TMEM144: variants seen among roughly 807,000 people sequenced by gnomAD.
TMEM144 encodes transmembrane protein 144.
In TMEM144, 39 loss-of-function variants were observed where a neutral mutation model predicts 43.6. The ratio of observed to expected loss-of-function variants is 0.90; its 90% CI spans 0.69 to 1.17. The LOEUF (loss-of-function observed/expected upper bound fraction) is 1.17, where lower values mean the gene tolerates loss of function less well. TMEM144 is among the 50% of genes most tolerant of loss of function. TMEM144 has a pLI of 0.00. For missense variants in TMEM144, 417 were observed against 411.9 expected, an observed-to-expected ratio of 1.01 and a Z score of -0.11; for synonymous variants, 154 against 133.6, an observed-to-expected ratio of 1.15 and a Z score of -1.06.
intron 6 of TMEM144, among the ~76,000 whole-genome samples, chr4:158,224,872 G>A (rs914680218): frequency 6.6e-6 from 1 of 152,110 alleles, no homozygotes; most frequent in Non-Finnish European, 1.5e-5. Context: ...ATGTTTAAGG[G>A]TGGTCTCAGA....
At chr4:158,231,610 C>A (rs568136838) in intron 6 of TMEM144, among the ~76,000 whole-genome samples, 45 of 152,124 alleles carry the variant, frequency 3.0e-4, no homozygotes, top group African/African-American at 1.1e-3. Context: ...TTTTAAACCA[C>A]ATTCAACACT....
chr4:158,242,954 A>G (rs567712988), intron 11 of TMEM144, among the ~76,000 whole-genome samples: 2 of 152,312 alleles, frequency 1.3e-5, no homozygotes, highest in South Asian at 2.1e-4. Flanking sequence ...TGCTTGCATT[A>G]CTTTTACCAA....
chr4:158,227,158 A>C (rs989000638), intron 6 of TMEM144, among the ~76,000 whole-genome samples: 1 of 150,418 alleles, frequency 6.6e-6, no homozygotes, highest in East Asian at 1.9e-4. Context: ...GAATAGCCTC[A>C]TACCTTAATA....
At chr4:158,241,425 A>C (rs1267618594) in intron 10 of TMEM144, 84 bp from the exon 11 acceptor site, 24 of 990,412 alleles carry the variant, frequency 2.4e-5, no homozygotes, top group Non-Finnish European at 1.6e-6. Flanking sequence ...TTATATGTGC[A>C]CTTTGATATT....
intron 5 of TMEM144, 50 bp downstream of exon 5, chr4:158,217,470 A>G (rs374162834): frequency 1.5e-6 from 2 of 1,305,200 alleles, no homozygotes; most frequent in Non-Finnish European, 2.2e-6. Flanking sequence ...TCCATATTCT[A>G]TGTAAAGCAA....
intron 3 of TMEM144, chr4:158,213,000 C>T (rs2111097672): frequency 1.7e-6 from 1 of 574,998 alleles, no homozygotes; most frequent in Admixed American, 3.1e-5. Context: ...AGGGTACAGT[C>T]AGGAAATCTC....
intron 4 of TMEM144, among the ~76,000 whole-genome samples, chr4:158,216,431 AAAG>A: frequency 6.6e-6 from 1 of 152,220 alleles, no homozygotes. Context: ...AACATGTTTG[AAAG>A]AGAAAATGAT....
At chr4:158,218,105 A>G (rs1006068332) in intron 5 of TMEM144, among the ~76,000 whole-genome samples, 2 of 152,152 alleles carry the variant, frequency 1.3e-5, no homozygotes, top group East Asian at 1.9e-4. Context: ...GTGTTGTCCA[A>G]TAGTGTAGCC....
At chr4:158,227,180 G>C (rs1734817217) in intron 6 of TMEM144, among the ~76,000 whole-genome samples, 1 of 149,466 alleles carries the variant, frequency 6.7e-6, no homozygotes, top group South Asian at 2.1e-4. Flanking sequence ...TTTTGAGTTA[G>C]TAAGCTGCTT....
intron 10 of TMEM144, 113 bp downstream of exon 10, chr4:158,240,531 G>A: frequency 8.3e-7 from 1 of 1,201,118 alleles, no homozygotes; most frequent in South Asian, 1.5e-5. Context: ...TATATGTGGT[G>A]TGTGTGTGTT....
chr4:158,252,807 C>CAA (rs57460951), intron 12 of TMEM144, among the ~76,000 whole-genome samples: 12,282 of 67,088 alleles, frequency 0.18, 711 homozygotes, highest in Admixed American at 0.22. Flanking sequence ...GACTCCGTCT[C>CAA]AAAAAAAAAA....
At chr4:158,230,861 C>G (rs1237737426) in intron 6 of TMEM144, among the ~76,000 whole-genome samples, 1 of 152,026 alleles carries the variant, frequency 6.6e-6, no homozygotes, top group East Asian at 1.9e-4. Flanking sequence ...AAGACAAAAA[C>G]ATAACAAATT....
At chr4:158,251,738 T>C (rs965717049) in intron 12 of TMEM144, among the ~76,000 whole-genome samples, 6 of 151,376 alleles carry the variant, frequency 4.0e-5, no homozygotes, top group Non-Finnish European at 7.4e-5. Context: ...TTCTGAGAAA[T>C]TGTTACCTTT....
rs753317634 is a variant in TMEM144 at position 158,241,608 on chromosome 4, T to TA, written c.900+4dup. On this transcript the variant is annotated splice_region_variant and intron_variant, in intron 11 of 12. Coordinates refer to ENST00000296529, the MANE Select transcript of TMEM144 (RefSeq NM_018342.5). ...GTCAGTTTTCCAATAATCACTGCTG[T>TA]AAGTAGCTGAACTGGTTTTCCTAAT... The TA allele has an allele frequency of 1.2e-6, 2 of 1,612,766 alleles. No individual in the cohort carries two copies. Among genetic ancestry groups the TA allele is most frequent in the Non-Finnish European group, 1.7e-6 (2 of 1,178,888 alleles).
chr4:158,239,315 A>T (rs778342953), intron 9 of TMEM144, among the ~76,000 whole-genome samples: 1 of 152,232 alleles, frequency 6.6e-6, no homozygotes, highest in East Asian at 1.9e-4. Flanking sequence ...AGGGGACAGA[A>T]ACATTAAATC....
rs1736361390 is a variant in TMEM144 at position 158,254,250 on chromosome 4, A to G, written c.*723A>G. ...TATTCACGTACATAAATACACACAG[A>G]TATGTTGCTAAAGTGAGATTGTAGG... On this transcript the variant is annotated 3_prime_UTR_variant, in exon 13 of 13. Coordinates refer to ENST00000296529, the MANE Select transcript of TMEM144 (RefSeq NM_018342.5). 2.0e-5 allele frequency: 3 copies of G among 152,184 alleles called. No individual in the cohort carries two copies. Among genetic ancestry groups the G allele is most frequent in the South Asian group, 4.1e-4 (2 of 4,834 alleles). 9.4% of individuals were successfully genotyped at this position (152,184 alleles called of 1,614,324 possible). A position where few individuals can be genotyped will look rare whatever the true frequency, so the allele number is the denominator to read the frequency against.
chr4:158,220,126 AG>A (rs1348014765), intron 6 of TMEM144, among the ~76,000 whole-genome samples: 1 of 152,214 alleles, frequency 6.6e-6, no homozygotes, highest in East Asian at 1.9e-4. Context: ...TTTTATTCTT[AG>A]GGAAAGAACA....
At position 158,240,341 on chromosome 4, in the gene TMEM144, C is replaced by A. The variant is rs145240920; in HGVS notation, c.725C>A (p.Thr242Lys). The A allele has an allele frequency of 1.9e-6, 3 of 1,613,850 alleles. No individual in the cohort carries two copies. The Admixed American group carries it at 5.0e-5, about 27-fold the overall frequency. Residue 242 changes from threonine to lysine, a missense_variant, in exon 10 of 13, where the codon ACA (threonine) becomes AAA (lysine). Coordinates refer to ENST00000296529, the MANE Select transcript of TMEM144 (RefSeq NM_018342.5). ...VFAHFSGIFL[T>K]STVYFLAYCI... ...GCGCACTTCAGTGGCATCTTTCTTA[C>A]AAGTACTGTCTACTTTCTGGCCTAC...
In TMEM144 at chr4:158,253,550, C is replaced by A; in HGVS notation, c.*23C>A. ...TAACAATGACAAAACCAGCAGGTGG[C>A]AGCAGTAGTTAAGAGAACGCGTCTA... On this transcript the variant is annotated 3_prime_UTR_variant, in exon 13 of 13. Coordinates refer to ENST00000296529, the MANE Select transcript of TMEM144 (RefSeq NM_018342.5). 2.5e-6 allele frequency: 4 copies of A among 1,594,162 alleles called. No homozygotes were observed. Among genetic ancestry groups the A allele is most frequent in the Non-Finnish European group, 3.4e-6 (4 of 1,162,794 alleles).
Sources: gnomAD v4.1 joint callset for allele counts (sites outside exome capture counted in the v4.1 genomes callset) on GRCh38, gnomAD v4.1.1 for gene constraint, MANE v1.5 for transcripts, NCBI Gene and HGNC (gene_info 2026-07-23, HGNC 2026-07-21) for gene names.